WDR37: variants seen among roughly 807,000 people sequenced by gnomAD.
WDR37 encodes WD repeat domain 37.
A neutral mutation model predicts 62.9 loss-of-function variants in WDR37; 19 were observed. That is an observed-to-expected ratio of 0.30 (90% CI 0.21 to 0.44). WDR37 has a LOEUF of 0.44. Among genes scored for constraint, WDR37 ranks in the 20% least tolerant of loss-of-function variants. The pLI is 1.00. For missense variants in WDR37, 474 were observed against 657.6 expected (o/e 0.72, Z 3.05); for synonymous variants, 250 against 260.9 (o/e 0.96, Z 0.40).
intron 9 of WDR37, chr10:1,096,527 G>A: frequency 2.3e-6 from 1 of 440,654 alleles, no homozygotes; most frequent in South Asian, 3.5e-5. Flanking sequence ...AGAGCCAGAG[G>A]GCGGCCGTCT....
At chr10:1,112,043 A>G (rs1303768531) in intron 11 of WDR37, among the ~76,000 whole-genome samples, 1 of 152,100 alleles carries the variant, frequency 6.6e-6, no homozygotes, top group Non-Finnish European at 1.5e-5. Flanking sequence ...CTGGGACTGC[A>G]GGCACGTGCC....
intron 13 of WDR37, among the ~76,000 whole-genome samples, chr10:1,128,104 T>C (rs1835856845): frequency 6.6e-6 from 1 of 152,260 alleles, no homozygotes; most frequent in Non-Finnish European, 1.5e-5. Flanking sequence ...TTCTGGCCTT[T>C]TGTGGATGTC....
At position 1,094,424 on chromosome 10, in the gene WDR37, T is replaced by C. The variant is rs1252839932; in HGVS notation, c.649+928T>C. ...GAGCCCCAGCAACAGGTACTTCCAGTGTGTGGGATGCAGCGAGTCATGCGG... is the reference window on the plus strand; with the variant it reads ...GAGCCCCAGCAACAGGTACTTCCAGCGTGTGGGATGCAGCGAGTCATGCGG... On this transcript the variant is annotated intron_variant, in intron 8 of 13. Coordinates refer to ENST00000263150, the MANE Select transcript of WDR37 (RefSeq NM_014023.4). Among the ~76,000 whole-genome samples, 2 of 152,046 alleles carry C rather than the reference T, an allele frequency of 1.3e-5. 1 individual carries two copies. Among genetic ancestry groups the C allele is most frequent in the Middle Eastern group, 6.3e-3 (2 of 316 alleles).
intron 11 of WDR37, among the ~76,000 whole-genome samples, chr10:1,109,437 T>C (rs1835139299): frequency 6.6e-6 from 1 of 152,236 alleles, no homozygotes; most frequent in South Asian, 2.1e-4. Flanking sequence ...CTTTAAAATA[T>C]CTGCTTAGGC....
intron 1 of WDR37, among the ~76,000 whole-genome samples, chr10:1,060,264 C>CT (rs1833333380): frequency 6.6e-6 from 1 of 152,070 alleles, no homozygotes; most frequent in Non-Finnish European, 1.5e-5. Flanking sequence ...TGCATCACAG[C>CT]TGTGTGCCTG....
At chr10:1,065,453 C>T (rs1321596588) in intron 1 of WDR37, among the ~76,000 whole-genome samples, 1 of 151,386 alleles carries the variant, frequency 6.6e-6, no homozygotes, top group Non-Finnish European at 1.5e-5. Context: ...AAATGTTTAC[C>T]CCACGAGAAG....
chr10:1,100,188 A>G (rs1473207152), intron 9 of WDR37, among the ~76,000 whole-genome samples: 1 of 151,384 alleles, frequency 6.6e-6, no homozygotes, highest in African/African-American at 2.4e-5. Context: ...TGCACTTCTC[A>G]TATTGATAGC....
chr10:1,085,529 A>T (rs932886453), intron 6 of WDR37, among the ~76,000 whole-genome samples: 3 of 152,244 alleles, frequency 2.0e-5, no homozygotes, highest in Non-Finnish European at 2.9e-5. Flanking sequence ...CTAAGGTGGC[A>T]TAATACCCCT....
At chr10:1,116,412 G>A (rs867094998) in intron 11 of WDR37, among the ~76,000 whole-genome samples, 1 of 152,100 alleles carries the variant, frequency 6.6e-6, no homozygotes, top group South Asian at 2.1e-4. Flanking sequence ...CGCTGTCCCT[G>A]TGTGCACGTA....
At position 1,103,534 on chromosome 10, in the gene WDR37, G is replaced by A. The variant is rs1834893208; in HGVS notation, c.727-68G>A. 4 of 1,505,168 alleles carry A rather than the reference G, an allele frequency of 2.7e-6. No homozygotes were observed. Among genetic ancestry groups the A allele is most frequent in the Admixed American group, 1.8e-5 (1 of 56,508 alleles). The allele number at this position is 1,505,168 out of a possible 1,614,324, so 93.2% of individuals were successfully genotyped here. A position where few individuals can be genotyped will look rare whatever the true frequency, so the allele number is the denominator to read the frequency against. Reference sequence around the variant, plus strand: ...ATTAATGAGAACCATCTATTTTGTAGCTATGTCAGAAGAAACTCAAGATTT... The same window carrying A: ...ATTAATGAGAACCATCTATTTTGTAACTATGTCAGAAGAAACTCAAGATTT... On this transcript the variant is annotated intron_variant, in intron 9 of 13. Transcript: ENST00000263150. This position sits in a 1 kb window ranked among gnomAD's most constrained non-coding sequence, Gnocchi z 6.3.
intron 2 of WDR37, chr10:1,074,289 T>C: frequency 8.4e-7 from 1 of 1,186,074 alleles, no homozygotes; most frequent in African/African-American, 1.6e-5. Context: ...GGGGTGAAAG[T>C]GTTCTTTTCT....
At position 1,129,401 on chromosome 10, in the gene WDR37, G is replaced by A; in HGVS notation, c.*57G>A. 6.2e-7 allele frequency: 1 copy of A among 1,602,564 alleles called. No homozygotes were observed. The highest frequency in any genetic ancestry group is 2.2e-5 in the East Asian group (1 of 44,548). The stretch of plus-strand genomic sequence containing the variant: ...CCAGCACAGACCTTTGATGGGTGCA[G>A]GCTTTTCTGCGTATTAATCAGCCAT... On this transcript the variant is annotated 3_prime_UTR_variant, in exon 14 of 14. Transcript: ENST00000263150.
In WDR37 at chr10:1,124,215, T is replaced by C. The variant is rs777501423; in HGVS notation, c.1104-3T>C. On this transcript the variant is annotated splice_polypyrimidine_tract_variant and splice_region_variant and intron_variant, in intron 11 of 13. Coordinates refer to ENST00000263150, the MANE Select transcript of WDR37 (RefSeq NM_014023.4). The stretch of plus-strand genomic sequence containing the variant: ...CATCTGACTCTGTGCCCTTTGTTCA[T>C]AGCACTGTGACTTCTGCCGTGTTCA... 1.1e-5 allele frequency: 17 copies of C among 1,614,194 alleles called. No individual in the cohort carries two copies. Among genetic ancestry groups the C allele is most frequent in the Non-Finnish European group, 1.7e-6 (2 of 1,180,030 alleles).
intron 2 of WDR37, among the ~76,000 whole-genome samples, chr10:1,077,163 G>C (rs1833903471): frequency 6.6e-6 from 1 of 152,118 alleles, no homozygotes; most frequent in Non-Finnish European, 1.5e-5. Flanking sequence ...GTATCTAGCA[G>C]GCTCCTGTTG....
intron 6 of WDR37, among the ~76,000 whole-genome samples, chr10:1,085,373 A>T (rs1184345104): frequency 6.6e-6 from 1 of 152,158 alleles, no homozygotes; most frequent in African/African-American, 2.4e-5. Flanking sequence ...TTTGGTACTC[A>T]CTGAAAGTGA....
Position 1,131,298 on chromosome 10 carries a change from G to T in WDR37, c.*1954G>T, listed in dbSNP as rs1222343266. ...ACAGGCCACCTGCTTGGGTTCCTCG[G>T]AGTTTAATTTGAAAGTCTGGGTGTC... is the stretch of plus-strand genomic sequence containing the variant. On this transcript the variant is annotated 3_prime_UTR_variant, in exon 14 of 14. Transcript: ENST00000263150. 6.6e-6 allele frequency: 1 copy of T among 152,254 alleles called. No homozygotes were observed. Among genetic ancestry groups the T allele is most frequent in the Admixed American group, 6.5e-5 (1 of 15,288 alleles). The allele number at this position is 152,254 out of a possible 1,614,324, so 9.4% of individuals were successfully genotyped here.
At chr10:1,063,072 C>T (rs1833420839) in intron 1 of WDR37, among the ~76,000 whole-genome samples, 3 of 145,982 alleles carry the variant, frequency 2.1e-5, no homozygotes, top group African/African-American at 7.8e-5. Flanking sequence ...GGGAACAGAG[C>T]GACACTCTGT....
At chr10:1,074,652 T>G in intron 2 of WDR37, 1 of 624,872 alleles carries the variant, frequency 1.6e-6, no homozygotes, top group East Asian at 6.7e-5. Flanking sequence ...ATGGTAGGTG[T>G]GAGGGGGGCG....
At chr10:1,081,632 G>C (rs1454147825) in intron 5 of WDR37, among the ~76,000 whole-genome samples, 1 of 151,994 alleles carries the variant, frequency 6.6e-6, no homozygotes, top group African/African-American at 2.4e-5. Context: ...TAGAATGTAA[G>C]TTGCTAATTT....
Sources: gnomAD v4.1 joint callset for allele counts (sites outside exome capture counted in the v4.1 genomes callset) on GRCh38, gnomAD v4.1.1 for gene constraint, Gnocchi (gnomAD v3.1) non-coding constraint, MANE v1.5 for transcripts, NCBI Gene and HGNC (gene_info 2026-07-23, HGNC 2026-07-21) for gene names.